ADGRL3: variants seen among roughly 807,000 people sequenced by gnomAD.
The protein encoded by ADGRL3 is adhesion G protein-coupled receptor L3.
In ADGRL3, 62 loss-of-function variants were observed where a neutral mutation model predicts 153.5. The ratio of observed to expected loss-of-function variants is 0.40; its 90% CI spans 0.33 to 0.50. ADGRL3 has a LOEUF of 0.50. Among genes scored for constraint, ADGRL3 ranks in the 20% least tolerant of loss-of-function variants. The pLI, the probability that ADGRL3 is intolerant of heterozygous loss-of-function variation, is 0.47. For missense variants in ADGRL3, 1,641 were observed against 1,859.4 expected, an observed-to-expected ratio of 0.88 and a Z score of 2.16; for synonymous variants, 710 against 672.5, an observed-to-expected ratio of 1.06 and a Z score of -0.86.
At chr4:61,203,164 C>A (rs1448834282) in intron 1 of ADGRL3, among the ~76,000 whole-genome samples, 1 of 152,196 alleles carries the variant, frequency 6.6e-6, no homozygotes, top group Non-Finnish European at 1.5e-5. Flanking sequence ...GTCCAGCCAG[C>A]GTAACTCCTG....
intron 1 of ADGRL3, among the ~76,000 whole-genome samples, chr4:61,381,817 TTGA>T (rs1360279929): frequency 6.6e-6 from 1 of 151,854 alleles, no homozygotes; most frequent in African/African-American, 2.4e-5. Flanking sequence ...ATTTAAGCAG[TTGA>T]TTAAAAATTT....
At chr4:61,377,779 GC>G (rs1397502071) in intron 1 of ADGRL3, among the ~76,000 whole-genome samples, 1 of 151,682 alleles carries the variant, frequency 6.6e-6, no homozygotes, top group Non-Finnish European at 1.5e-5. Flanking sequence ...TAAGGTAGAA[GC>G]TTTGATTATT....
chr4:61,939,492 C>T (rs939291634), intron 15 of ADGRL3, among the ~76,000 whole-genome samples: 30 of 141,976 alleles, frequency 2.1e-4, no homozygotes, highest in Non-Finnish European at 3.5e-4. Flanking sequence ...TTTTTTGAGA[C>T]GGAGTCTCAC....
chr4:61,898,459 C>A (rs1193469362), intron 11 of ADGRL3, among the ~76,000 whole-genome samples: 6 of 151,926 alleles, frequency 3.9e-5, no homozygotes, highest in African/African-American at 1.2e-4. Flanking sequence ...GAGAGAGGGG[C>A]TCTAGAATGG....
intron 17 of ADGRL3, among the ~76,000 whole-genome samples, chr4:61,966,761 C>T (rs1277448133): frequency 6.6e-6 from 1 of 152,142 alleles, no homozygotes; most frequent in African/African-American, 2.4e-5. Context: ...GAAAGCATTG[C>T]TCTGTCCTGT....
At chr4:61,255,091 T>C (rs1354737534) in intron 1 of ADGRL3, among the ~76,000 whole-genome samples, 2 of 152,180 alleles carry the variant, frequency 1.3e-5, no homozygotes, top group Non-Finnish European at 2.9e-5. Flanking sequence ...GATTAAAAGA[T>C]GTTGCTATGG....
chr4:61,726,639 C>A (rs1462479320), intron 6 of ADGRL3, among the ~76,000 whole-genome samples: 1 of 152,058 alleles, frequency 6.6e-6, no homozygotes, highest in African/African-American at 2.4e-5. Context: ...TCTGCCATAT[C>A]CCAACTGCCC....
chr4:61,737,904 CT>C (rs1194186727), intron 8 of ADGRL3, among the ~76,000 whole-genome samples: 28 of 151,476 alleles, frequency 1.8e-4, no homozygotes, highest in African/African-American at 6.1e-4. Flanking sequence ...TTTTTTTAGT[CT>C]TTTTATCATT....
At chr4:61,341,301 A>C (rs2095803362) in intron 1 of ADGRL3, among the ~76,000 whole-genome samples, 1 of 151,958 alleles carries the variant, frequency 6.6e-6, no homozygotes, top group South Asian at 2.1e-4. Context: ...GATATTGATT[A>C]ATATTTTCCT....
At chr4:61,846,828 C>A (rs181687416) in intron 9 of ADGRL3, among the ~76,000 whole-genome samples, 81 of 151,726 alleles carry the variant, frequency 5.3e-4, no homozygotes, top group Non-Finnish European at 9.7e-4. Context: ...CAGGAGTGAG[C>A]AAGCAAGGTG....
intron 6 of ADGRL3, among the ~76,000 whole-genome samples, chr4:61,714,486 G>T (rs963544358): frequency 6.6e-6 from 1 of 152,060 alleles, no homozygotes; most frequent in African/African-American, 2.4e-5. Context: ...GGGCACGCAG[G>T]CCTACCTCAG....
intron 25 of ADGRL3, among the ~76,000 whole-genome samples, chr4:62,065,612 C>A (rs1204179920): frequency 6.6e-6 from 1 of 151,960 alleles, no homozygotes; most frequent in Non-Finnish European, 1.5e-5. Context: ...ATAGAAGAGT[C>A]ATAGGTATTT....
intron 1 of ADGRL3, among the ~76,000 whole-genome samples, chr4:61,365,251 CAA>C (rs111428328): frequency 1.8e-3 from 262 of 149,190 alleles, no homozygotes; most frequent in African/African-American, 4.8e-3. Context: ...AAAAAAATTA[CAA>C]AAAAAAAAAA....
chr4:61,225,030 C>G (rs996407497), intron 1 of ADGRL3, among the ~76,000 whole-genome samples: 1 of 152,176 alleles, frequency 6.6e-6, no homozygotes, highest in African/African-American at 2.4e-5. Flanking sequence ...TTCCTTAATT[C>G]TCTTTTCTGG....
chr4:61,697,662 T>G (rs1393758628), intron 6 of ADGRL3, among the ~76,000 whole-genome samples: 1 of 152,072 alleles, frequency 6.6e-6, no homozygotes, highest in Non-Finnish European at 1.5e-5. Context: ...AATCAAACAT[T>G]TGCTATTATT....
intron 4 of ADGRL3, among the ~76,000 whole-genome samples, chr4:61,549,874 C>A (rs1200568920): frequency 6.6e-6 from 1 of 151,916 alleles, no homozygotes; most frequent in Non-Finnish European, 1.5e-5. Context: ...ATTTTTCTTT[C>A]AGCAACATAT....
chr4:61,648,927 T>C (rs2094144964), intron 5 of ADGRL3, among the ~76,000 whole-genome samples: 2 of 152,078 alleles, frequency 1.3e-5, no homozygotes, highest in Admixed American at 1.3e-4. Context: ...CAGTTTTCCA[T>C]GACTTTGAAG....
chr4:61,721,212 C>T (rs1580449401), intron 6 of ADGRL3, among the ~76,000 whole-genome samples: 1 of 152,200 alleles, frequency 6.6e-6, no homozygotes, highest in South Asian at 2.1e-4. Context: ...TATTGACACA[C>T]GATCACAAGG....
intron 8 of ADGRL3, among the ~76,000 whole-genome samples, chr4:61,747,067 A>C (rs2096673159): frequency 1.3e-5 from 2 of 152,240 alleles, no homozygotes; most frequent in Admixed American, 1.3e-4. Flanking sequence ...CCATCAGAGA[A>C]TACTGCAAAC....
Sources: gnomAD v4.1 joint callset for allele counts (sites outside exome capture counted in the v4.1 genomes callset) on GRCh38, gnomAD v4.1.1 for gene constraint, MANE v1.5 for transcripts, NCBI Gene and HGNC (gene_info 2026-07-23, HGNC 2026-07-21) for gene names.